CILK1: variants seen among roughly 807,000 people sequenced by gnomAD.
CILK1 encodes the protein serine/threonine-protein kinase ICK.
CILK1 carries 47 observed loss-of-function variants against 79.2 expected under a neutral mutation model. The observed-to-expected ratio is 0.59, with a 90% CI of 0.47 to 0.76. CILK1 has a LOEUF of 0.76. Ranked by LOEUF, CILK1 falls within the 30% of genes least tolerant of loss-of-function variation. The probability of loss-of-function intolerance (pLI) is 0.00; values close to 1 mark genes in which losing one functional copy is unlikely to be tolerated. For missense variants in CILK1, 660 were observed against 769.5 expected, an observed-to-expected ratio of 0.86 and a Z score of 1.68; for synonymous variants, 266 against 275.9, an observed-to-expected ratio of 0.96 and a Z score of 0.36.
Position 53,018,452 on chromosome 6 carries a change from T to C in CILK1, c.541A>G (p.Ile181Val), listed in dbSNP as rs201632235. Residue 181 changes from isoleucine (I) to valine (V), a missense_variant, in exon 7 of 14, where the codon ATT becomes GTT. Ile to Val is a conservative substitution (Grantham distance 29). Transcript: ENST00000676107. ...LLRSTNYSSP[I>V]DVWAVGCIMA... ...ATGCAGCCCACCGCCCAGACGTCAA[T>C]GGGGGAGCTGTAGTTGGTAGACCTC... 1.1e-5 allele frequency: 17 copies of C among 1,614,116 alleles called. No individual in the cohort carries two copies. Among genetic ancestry groups the C allele is most frequent in the Non-Finnish European group, 1.4e-5 (17 of 1,180,010 alleles).
chr6:53,038,118 C>T (rs1041209164), intron 2 of CILK1, 125 bp from the exon 3 acceptor site: 123 of 692,752 alleles, frequency 1.8e-4, no homozygotes, highest in Non-Finnish European at 1.8e-4. Context: ...AATTTCTACC[C>T]AGTATTATAC....
At chr6:53,018,198 G>C in intron 7 of CILK1, 132 bp downstream of exon 7, 1 of 867,586 alleles carries the variant, frequency 1.2e-6, no homozygotes, top group Admixed American at 1.8e-5. Flanking sequence ...GGGCAGTGGA[G>C]AATGACTGAG....
chr6:53,020,975 T>C (rs6458895), intron 5 of CILK1, among the ~76,000 whole-genome samples: 29,363 of 152,216 alleles, frequency 0.19, 3,199 homozygotes, highest in African/African-American at 0.29. Context: ...CTTGCAGTTA[T>C]GTTGGATCCA....
intron 3 of CILK1, among the ~76,000 whole-genome samples, chr6:53,033,318 A>G (rs1766094712): frequency 6.6e-6 from 1 of 152,200 alleles, no homozygotes; most frequent in Non-Finnish European, 1.5e-5. Flanking sequence ...GTGGCTCAGA[A>G]AATGGTGCGT....
chr6:53,030,715 C>T (rs148430137), intron 5 of CILK1, among the ~76,000 whole-genome samples: 2 of 152,246 alleles, frequency 1.3e-5, no homozygotes, highest in African/African-American at 2.4e-5. Context: ...TGAGAAGTAA[C>T]AGTGAAGCAC....
intron 1 of CILK1, among the ~76,000 whole-genome samples, chr6:53,054,838 G>A (rs925143559): frequency 4.6e-5 from 7 of 152,208 alleles, no homozygotes; most frequent in East Asian, 3.8e-4. Flanking sequence ...TCCCCTCAGC[G>A]TCAATCCTCG....
chr6:53,057,711 T>C (rs1768019351), intron 1 of CILK1: 2 of 151,850 alleles, frequency 1.3e-5, no homozygotes, highest in African/African-American at 4.8e-5. Context: ...AGTTAAGAAT[T>C]TTTTTTTTCT....
intron 1 of CILK1, among the ~76,000 whole-genome samples, chr6:53,047,162 G>A (rs1767134390): frequency 6.6e-6 from 1 of 152,200 alleles, no homozygotes; most frequent in South Asian, 2.1e-4. Context: ...CAGGTCTAAT[G>A]TGCAACCAGG....
chr6:53,022,212 T>C (rs1327878875), intron 5 of CILK1, among the ~76,000 whole-genome samples: 1 of 152,184 alleles, frequency 6.6e-6, no homozygotes, highest in African/African-American at 2.4e-5. Flanking sequence ...AGAAAGAAAT[T>C]TTAAAAATTT....
chr6:53,043,141 C>G (rs1766820783), intron 1 of CILK1, among the ~76,000 whole-genome samples: 1 of 151,900 alleles, frequency 6.6e-6, no homozygotes, highest in Non-Finnish European at 1.5e-5. Context: ...CATGGTGAAA[C>G]CCCGTCTCTA....
At position 53,016,099 on chromosome 6, in the gene CILK1, C is replaced by A; in HGVS notation, c.815G>T (p.Arg272Leu). The change falls in exon 8 of 14, where the codon CGA becomes CTA. Residue 272 changes from arginine to leucine, a missense_variant. Transcript: ENST00000676107. ...RDMLQWDPKKRPTASQALRYP... is the reference protein window; with the variant it reads ...RDMLQWDPKKLPTASQALRYP... ...GAAGAAAACCTGACTAGCTGTTGGTCGTTTCTTGGGATCCCACTGAAGCAT... is the reference window on the plus strand; with the variant it reads ...GAAGAAAACCTGACTAGCTGTTGGTAGTTTCTTGGGATCCCACTGAAGCAT... The A allele has an allele frequency of 1.9e-6, 3 of 1,613,948 alleles. No homozygotes were observed. In the South Asian group the frequency reaches 3.3e-5, roughly 18 times the overall value.
intron 1 of CILK1, among the ~76,000 whole-genome samples, chr6:53,042,730 AG>A (rs1399516601): frequency 6.6e-6 from 1 of 152,262 alleles, no homozygotes; most frequent in Non-Finnish European, 1.5e-5. Context: ...AGACAAGGAC[AG>A]ACTAAGGAAC....
chr6:53,025,282 T>C (rs1249682821), intron 5 of CILK1, among the ~76,000 whole-genome samples: 1 of 152,220 alleles, frequency 6.6e-6, no homozygotes, highest in East Asian at 1.9e-4. Context: ...TCCTTTGTTC[T>C]GCAGCCCCTA....
intron 2 of CILK1, among the ~76,000 whole-genome samples, chr6:53,039,580 T>C (rs1217392821): frequency 2.0e-5 from 3 of 152,164 alleles, no homozygotes; most frequent in Non-Finnish European, 4.4e-5. Flanking sequence ...GCTGGGGACC[T>C]TTTAAGGAGC....
intron 7 of CILK1, among the ~76,000 whole-genome samples, chr6:53,017,242 T>C (rs1328903254): frequency 6.6e-6 from 1 of 152,188 alleles, no homozygotes; most frequent in Non-Finnish European, 1.5e-5. Context: ...GCACCAGCAA[T>C]GGTGCTGGGA....
chr6:53,015,489 G>A (rs1764839139), intron 8 of CILK1, among the ~76,000 whole-genome samples: 1 of 152,202 alleles, frequency 6.6e-6, no homozygotes, highest in African/African-American at 2.4e-5. Context: ...AGTGATTAGA[G>A]CAAATTGCTT....
Position 53,019,367 on chromosome 6 carries a change from G to A in CILK1, c.359-8C>T. Reference sequence around the variant, plus strand: ...AGTCTCGATGAAAGAAGCCTATAGAGACAGTAGAGGAGAAGAAATCCAAAT... The same window carrying A: ...AGTCTCGATGAAAGAAGCCTATAGAAACAGTAGAGGAGAAGAAATCCAAAT... On this transcript the variant is annotated splice_region_variant and splice_polypyrimidine_tract_variant and intron_variant, in intron 5 of 13. Coordinates refer to ENST00000676107, the MANE Select transcript of CILK1 (RefSeq NM_014920.5). 1.2e-6 allele frequency: 2 copies of A among 1,613,962 alleles called. No individual in the cohort carries two copies. Among genetic ancestry groups the A allele is most frequent in the Non-Finnish European group, 1.7e-6 (2 of 1,179,902 alleles).
intron 1 of CILK1, among the ~76,000 whole-genome samples, chr6:53,049,619 G>A (rs1009601775): frequency 6.6e-6 from 1 of 152,144 alleles, no homozygotes; most frequent in Non-Finnish European, 1.5e-5. Context: ...TGACAAGTGG[G>A]GCCCAACATG....
intron 1 of CILK1, among the ~76,000 whole-genome samples, chr6:53,055,860 T>G (rs772112153): frequency 6.6e-6 from 1 of 152,098 alleles, no homozygotes; most frequent in Non-Finnish European, 1.5e-5. Flanking sequence ...AGGCGAAATG[T>G]TAAAAAAAAT....
Sources: gnomAD v4.1 joint callset for allele counts (sites outside exome capture counted in the v4.1 genomes callset) on GRCh38, gnomAD v4.1.1 for gene constraint, MANE v1.5 for transcripts, NCBI Gene and HGNC (gene_info 2026-07-23, HGNC 2026-07-21) for gene names.